Variants in CCSER1 observed in about 807,000 individuals in gnomAD.
CCSER1 encodes the protein coiled-coil serine rich protein 1.
A neutral mutation model predicts 82.0 loss-of-function variants in CCSER1; 41 were observed. The ratio of observed to expected loss-of-function variants is 0.50; its 90% CI spans 0.39 to 0.65. CCSER1 has a LOEUF of 0.65. Among genes scored for constraint, CCSER1 ranks in the 30% least tolerant of loss-of-function variants. The pLI, the probability that CCSER1 is intolerant of heterozygous loss-of-function variation, is 0.00. For missense variants in CCSER1, 1,119 were observed against 1,064.2 expected (o/e 1.05, Z -0.72); for synonymous variants, 414 against 383.9 (o/e 1.08, Z -0.92).
intron 6 of CCSER1, among the ~76,000 whole-genome samples, chr4:90,651,411 C>A (rs2149045074): frequency 6.6e-6 from 1 of 152,194 alleles, no homozygotes; most frequent in South Asian, 2.1e-4. Flanking sequence ...AAGCTGGAAA[C>A]CATCATTCTC....
intron 10 of CCSER1, among the ~76,000 whole-genome samples, chr4:91,452,334 C>T (rs927950865): frequency 2.0e-5 from 3 of 151,966 alleles, no homozygotes; most frequent in African/African-American, 7.2e-5. Context: ...ATTTTCTGAA[C>T]TCCATGGACT....
At chr4:91,290,552 G>A (rs1047195685) in intron 10 of CCSER1, among the ~76,000 whole-genome samples, 50 of 151,968 alleles carry the variant, frequency 3.3e-4, no homozygotes, top group African/African-American at 1.2e-3. Context: ...GTATGGTACA[G>A]AGGAGAGGCA....
chr4:91,276,522 T>C (rs1178778932), intron 10 of CCSER1, among the ~76,000 whole-genome samples: 1 of 152,054 alleles, frequency 6.6e-6, no homozygotes, highest in East Asian at 1.9e-4. Context: ...AATTTATTTA[T>C]CAAATCTAAG....
intron 5 of CCSER1, among the ~76,000 whole-genome samples, chr4:90,603,208 C>A (rs1045071607): frequency 1.3e-5 from 2 of 152,190 alleles, no homozygotes; most frequent in Non-Finnish European, 2.9e-5. Flanking sequence ...AGGAGTAGGG[C>A]TAGCAAATGT....
At chr4:90,285,201 A>G (rs2072048484) in intron 1 of CCSER1, among the ~76,000 whole-genome samples, 1 of 152,036 alleles carries the variant, frequency 6.6e-6, no homozygotes, top group Admixed American at 6.6e-5. Context: ...GTGTTTTGAT[A>G]CAGATTGCCT....
chr4:90,349,121 C>G lies in CCSER1; in HGVS notation c.1509+36074C>G, dbSNP rs371695960. Among the ~76,000 whole-genome samples, 3 of 152,074 alleles carry G rather than the reference C, an allele frequency of 2.0e-5. No individual in the cohort carries two copies. The South Asian group carries it at 6.2e-4, about 32-fold the overall frequency. ...TTTATTTGCCTAAGAGACAAAAAGT[C>G]AGTCTATATTAGGGAATTTGGGAAG... is the stretch of plus-strand genomic sequence containing the variant. On this transcript the variant is annotated intron_variant, in intron 3 of 10. Transcript: ENST00000509176.
intron 6 of CCSER1, among the ~76,000 whole-genome samples, chr4:90,638,300 T>G (rs1725809715): frequency 6.6e-6 from 1 of 152,236 alleles, no homozygotes; most frequent in African/African-American, 2.4e-5. Flanking sequence ...TTATCAAAAC[T>G]CATCAAATTA....
At chr4:91,161,166 T>A (rs192432501) in intron 10 of CCSER1, among the ~76,000 whole-genome samples, 2 of 152,322 alleles carry the variant, frequency 1.3e-5, no homozygotes, top group South Asian at 4.1e-4. Context: ...GGGAATCCTT[T>A]CCCCACTTCT....
chr4:90,806,475 A>G lies in CCSER1; in HGVS notation c.2011-9287A>G, dbSNP rs565945449. The stretch of plus-strand genomic sequence containing the variant: ...TTAACAAAATGTTAATTAATACAAA[A>G]ATACTGTTGTTAATTGTTCAACAAA... On this transcript the variant is annotated intron_variant, in intron 7 of 10. Transcript: ENST00000509176. Among the ~76,000 whole-genome samples, 24 of 152,188 alleles carry G rather than the reference A, an allele frequency of 1.6e-4. 1 individual carries two copies. Among genetic ancestry groups the G allele is most frequent in the Non-Finnish European group, 2.9e-4 (20 of 68,020 alleles).
chr4:91,061,046 G>A (rs1186143093), intron 9 of CCSER1, among the ~76,000 whole-genome samples: 1 of 151,950 alleles, frequency 6.6e-6, no homozygotes, highest in Non-Finnish European at 1.5e-5. Flanking sequence ...GCACAGCCAT[G>A]ATTGTTAGTG....
chr4:91,057,787 GACT>G (rs894917074), intron 9 of CCSER1, among the ~76,000 whole-genome samples: 1 of 152,104 alleles, frequency 6.6e-6, no homozygotes, highest in African/African-American at 2.4e-5. Context: ...CAATTAGAAT[GACT>G]ACTTTTTCAC....
At chr4:90,561,731 T>A (rs1417026072) in intron 5 of CCSER1, among the ~76,000 whole-genome samples, 1 of 152,194 alleles carries the variant, frequency 6.6e-6, no homozygotes, top group Non-Finnish European at 1.5e-5. Flanking sequence ...CCTCTTGGCA[T>A]CACAAATAGC....
chr4:91,092,761 C>T (rs1724095684), intron 10 of CCSER1, among the ~76,000 whole-genome samples: 1 of 152,110 alleles, frequency 6.6e-6, no homozygotes, highest in South Asian at 2.1e-4. Flanking sequence ...TCTTTTTCCT[C>T]TTTAGAAGAA....
At chr4:90,728,317 A>G (rs561710388) in intron 7 of CCSER1, among the ~76,000 whole-genome samples, 54 of 152,276 alleles carry the variant, frequency 3.5e-4, no homozygotes, top group South Asian at 2.1e-4. Flanking sequence ...AGAAACTCCA[A>G]GCTTCTCTCA....
At chr4:90,641,470 A>T (rs139507606) in intron 6 of CCSER1, among the ~76,000 whole-genome samples, 9 of 152,140 alleles carry the variant, frequency 5.9e-5, no homozygotes, top group Admixed American at 2.0e-4. Context: ...TTTCAAAATA[A>T]TTATGTATAC....
intron 1 of CCSER1, among the ~76,000 whole-genome samples, chr4:90,134,046 A>G (rs1477688700): frequency 3.3e-5 from 5 of 152,316 alleles, no homozygotes; most frequent in Admixed American, 3.3e-4. Flanking sequence ...TTTATTAACA[A>G]CAATAGCAAT....
intron 4 of CCSER1, among the ~76,000 whole-genome samples, chr4:90,443,478 C>A (rs1360297818): frequency 2.0e-5 from 3 of 151,986 alleles, no homozygotes; most frequent in African/African-American, 7.2e-5. Context: ...AGCAGGACAG[C>A]AGGAAATTTC....
chr4:91,391,367 C>A (rs1454418845), intron 10 of CCSER1, among the ~76,000 whole-genome samples: 1 of 152,188 alleles, frequency 6.6e-6, no homozygotes, highest in Non-Finnish European at 1.5e-5. Context: ...GTGGCACGAT[C>A]ATGGCTCAGT....
intron 5 of CCSER1, among the ~76,000 whole-genome samples, chr4:90,494,765 A>C (rs188766973): frequency 6.6e-6 from 1 of 152,212 alleles, no homozygotes; most frequent in Non-Finnish European, 1.5e-5. Context: ...TTACTAAATC[A>C]ACTCCCTATA....
Sources: allele counts gnomAD v4.1 joint callset (sites outside exome capture counted in the v4.1 genomes callset), GRCh38; gene constraint gnomAD v4.1.1; transcripts MANE v1.5; gene names NCBI Gene and HGNC (gene_info 2026-07-23, HGNC 2026-07-21).